Variants in NREP observed in about 807,000 individuals in gnomAD.
NREP encodes the protein neuronal regeneration-related protein.
NREP carries 5 observed loss-of-function variants against 8.6 expected under a neutral mutation model. The observed-to-expected ratio is 0.58, with a 90% CI of 0.30 to 1.22. The LOEUF (loss-of-function observed/expected upper bound fraction) is 1.22. Ranked by LOEUF, NREP falls within the 50% of genes most tolerant of loss-of-function variation. NREP has a pLI of 0.07. For missense variants in NREP, 86 were observed against 82.5 expected (o/e 1.04, Z -0.17); for synonymous variants, 27 against 28.0 (o/e 0.96, Z 0.11).
chr5:111,883,430 C>A (rs1754142679), intron 2 of NREP, among the ~76,000 whole-genome samples: 1 of 152,158 alleles, frequency 6.6e-6, no homozygotes, highest in Non-Finnish European at 1.5e-5. Flanking sequence ...AGAAAGTTAA[C>A]AAGGATACCC....
At chr5:111,884,585 G>GAT (rs780529697) in intron 2 of NREP, among the ~76,000 whole-genome samples, 4,023 of 152,158 alleles carry the variant, frequency 0.026, 78 homozygotes, top group Non-Finnish European at 0.043. Context: ...ATAAAATACT[G>GAT]GCAAACCGAA....
intron 2 of NREP, among the ~76,000 whole-genome samples, chr5:111,766,418 C>T (rs1272966304): frequency 1.2e-4 from 19 of 152,156 alleles, no homozygotes. Flanking sequence ...CAGCTATAAT[C>T]CCTTAACTGT....
At chr5:111,743,739 A>C (rs993320613) in intron 2 of NREP, among the ~76,000 whole-genome samples, 1 of 152,184 alleles carries the variant, frequency 6.6e-6, no homozygotes, top group Non-Finnish European at 1.5e-5. Flanking sequence ...TTCCAAGGTT[A>C]ATAGGAAACA....
chr5:111,755,785 A>G lies in NREP; in HGVS notation c.-13T>C. The G allele has an allele frequency of 1.9e-6, 3 of 1,613,898 alleles. No individual in the cohort carries two copies. Among genetic ancestry groups the G allele is most frequent in the Non-Finnish European group, 2.5e-6 (3 of 1,179,788 alleles). On this transcript the variant is annotated 5_prime_UTR_variant, in exon 2 of 4. Coordinates refer to ENST00000257435, the MANE Select transcript of NREP (RefSeq NM_004772.4). ...CAAGTCTTACCATTTTGAGAATCTT[A>G]GTCTTGGGCTTCTATTCTCCCTCTC...
chr5:111,732,308 G>C (rs1332095742), intron 3 of NREP: 1 of 151,794 alleles, frequency 6.6e-6, no homozygotes, highest in Non-Finnish European at 1.5e-5. Context: ...AAATGCAACA[G>C]ATTATTCAAC....
chr5:111,796,628 T>A (rs142911289), intron 2 of NREP, among the ~76,000 whole-genome samples: 1 of 152,328 alleles, frequency 6.6e-6, no homozygotes, highest in East Asian at 1.9e-4. Flanking sequence ...AAATGCCTGC[T>A]TGAAGCCTAC....
chr5:111,916,438 T>C (rs182406060), intron 2 of NREP, among the ~76,000 whole-genome samples: 19 of 152,228 alleles, frequency 1.2e-4, no homozygotes, highest in African/African-American at 3.9e-4. Context: ...GAAAAGTCTA[T>C]GTGGCAGCCA....
chr5:111,919,116 A>AC (rs903022498), intron 2 of NREP, among the ~76,000 whole-genome samples: 28 of 152,048 alleles, frequency 1.8e-4, no homozygotes, highest in African/African-American at 6.5e-4. Flanking sequence ...ATGCTGCCAA[A>AC]AAACATATGA....
At chr5:111,862,340 A>T (rs1753561474) in intron 2 of NREP, among the ~76,000 whole-genome samples, 1 of 152,212 alleles carries the variant, frequency 6.6e-6, no homozygotes, top group Admixed American at 6.6e-5. Context: ...TATGTCAGAT[A>T]GCAGGGAAGC....
intron 2 of NREP, among the ~76,000 whole-genome samples, chr5:111,950,778 C>T (rs1581245160): frequency 6.6e-6 from 1 of 151,186 alleles, no homozygotes; most frequent in South Asian, 2.1e-4. Context: ...GAAGACATTT[C>T]TGTGGCCAAA....
intron 2 of NREP, among the ~76,000 whole-genome samples, chr5:111,801,542 G>C (rs1752008085): frequency 6.6e-6 from 1 of 152,154 alleles, no homozygotes; most frequent in African/African-American, 2.4e-5. Context: ...CAAAGCAGAA[G>C]GTAGAGAGTG....
chr5:111,774,725 A>C (rs1375765832), intron 2 of NREP, among the ~76,000 whole-genome samples: 1 of 152,174 alleles, frequency 6.6e-6, no homozygotes, highest in Non-Finnish European at 1.5e-5. Flanking sequence ...TCTGCCAACA[A>C]CCTGAATGAA....
intron 2 of NREP, among the ~76,000 whole-genome samples, chr5:111,750,234 G>A (rs1750269687): frequency 6.6e-6 from 1 of 152,110 alleles, no homozygotes; most frequent in Non-Finnish European, 1.5e-5. Context: ...CCTTTTATCT[G>A]GAATACTCCT....
chr5:111,755,430 G>A (rs1293478626), intron 2 of NREP: 1 of 292,722 alleles, frequency 3.4e-6, no homozygotes, highest in Non-Finnish European at 6.7e-6. Flanking sequence ...CTTTGTTTGA[G>A]CCCTACTGCT....
intron 2 of NREP, among the ~76,000 whole-genome samples, chr5:111,939,782 A>G (rs778607814): frequency 1.3e-5 from 2 of 152,064 alleles, no homozygotes; most frequent in Non-Finnish European, 1.5e-5. Context: ...CCTGAGCACA[A>G]GAGGGCTGCT....
intron 2 of NREP, among the ~76,000 whole-genome samples, chr5:111,958,831 T>C (rs1364350281): frequency 7.0e-6 from 1 of 142,360 alleles, no homozygotes; most frequent in Non-Finnish European, 1.6e-5. Context: ...ATATCAAGAA[T>C]TTTTTTAAGG....
chr5:111,732,657 A>AT (rs958678950), intron 3 of NREP: 15 of 88,244 alleles, frequency 1.7e-4, no homozygotes, highest in African/African-American at 2.3e-4. Context: ...CAGTCCCAAA[A>AT]TTTAAAAAAA....
rs188260680 is a variant in NREP at position 111,755,075 on chromosome 5, A to G, written c.3+695T>C. 1.3e-3 allele frequency among the ~76,000 whole-genome samples: 200 copies of G among 152,296 alleles called. 1 individual carries two copies. The highest frequency in any genetic ancestry group is 4.3e-3 in the African/African-American group (179 of 41,560). On this transcript the variant is annotated intron_variant, in intron 2 of 3. Transcript: ENST00000257435. The stretch of plus-strand genomic sequence containing the variant: ...AGGAAATTTTTCATAGATGATTAAT[A>G]TACTTATTCAGCTGCTTTTAATGTG...
chr5:111,778,650 A>G (rs910069896), intron 2 of NREP, among the ~76,000 whole-genome samples: 7 of 151,830 alleles, frequency 4.6e-5, no homozygotes, highest in Non-Finnish European at 1.0e-4. Context: ...GAATGGGCAC[A>G]TATTTTTCAG....
Sources: gnomAD v4.1 joint callset for allele counts (sites outside exome capture counted in the v4.1 genomes callset) on GRCh38, gnomAD v4.1.1 for gene constraint, MANE v1.5 for transcripts, NCBI Gene and HGNC (gene_info 2026-07-23, HGNC 2026-07-21) for gene names.